The following RASGRP2 variants were observed in gnomAD, a reference collection of about 807,000 sequenced individuals.
RASGRP2 encodes RAS guanyl-releasing protein 2.
Under a neutral mutation model 71.0 loss-of-function variants are expected in RASGRP2, and 44 were observed. The observed-to-expected ratio is 0.62, with a 90% CI of 0.49 to 0.80. RASGRP2 has a LOEUF of 0.80. RASGRP2 is among the 30% of genes least tolerant of loss of function. RASGRP2 has a pLI of 0.00. For synonymous variants in RASGRP2, 350 were observed against 330.7 expected, an observed-to-expected ratio of 1.06 and a Z score of -0.63; for missense variants, 663 against 813.4, an observed-to-expected ratio of 0.82 and a Z score of 2.25.
Position 64,742,693 on chromosome 11 carries a change from T to A in RASGRP2, c.73+101A>T. On this transcript the variant is annotated intron_variant, in intron 2 of 16. Coordinates refer to ENST00000394432, the MANE Select transcript of RASGRP2 (RefSeq NM_001098671.2). This position sits in a 1 kb window ranked among gnomAD's most constrained non-coding sequence, Gnocchi z 4.7. ...ACTGCACGCTGCGGAGCAGGGTGGG[T>A]CCGGGTCAGGGCTGTGCCCTGGACT... 6.7e-7 allele frequency: 1 copy of A among 1,487,012 alleles called. No individual in the cohort carries two copies. Among genetic ancestry groups the A allele is most frequent in the African/African-American group, 1.4e-5 (1 of 71,870 alleles). 92.1% of individuals were successfully genotyped at this position (1,487,012 alleles called of 1,614,324 possible).
At position 64,744,104 on chromosome 11, in the gene RASGRP2, C is replaced by T; in HGVS notation, c.-173G>A. 5.1e-6 allele frequency: 5 copies of T among 988,326 alleles called. No homozygotes were observed. Among genetic ancestry groups the T allele is most frequent in the Non-Finnish European group, 6.0e-6 (5 of 831,030 alleles). The allele number at this position is 988,326 out of a possible 1,614,324, so 61.2% of individuals were successfully genotyped here. A position where few individuals can be genotyped will look rare whatever the true frequency, so the allele number is the denominator to read the frequency against. On this transcript the variant is annotated 5_prime_UTR_variant, in exon 1 of 17. Transcript: ENST00000394432. ...GCCTTGAGTCCCGCGGCCACACAGG[C>T]GCTGACATCCTCACACGTGTGCACA...
chr11:64,745,060 A>G (rs1056750117), upstream of RASGRP2: 3 of 151,210 alleles, frequency 2.0e-5, no homozygotes, highest in African/African-American at 7.3e-5. Context: ...CTGCGCCACT[A>G]GCTGCCCCGA....
chr11:64,744,321 A>C (rs2135810681), upstream of RASGRP2: 1 of 985,346 alleles, frequency 1.0e-6, no homozygotes, highest in East Asian at 1.1e-4. Flanking sequence ...CCCCGGCCCT[A>C]CACATACTCA....
Position 64,742,056 on chromosome 11 carries a change from G to C in RASGRP2, c.130C>G (p.Pro44Ala), listed in dbSNP as rs1289941754. ...AGCTGAGAGGAGGGGATGTACCAGG[G>C]GTGCATCATGAGGAACATGCGCACC... ...QLVRMFLMMH[P>A]WYIPSSQLAA... is the part of the protein sequence containing the mutation. Residue 44 changes from proline to alanine, a missense_variant, in exon 3 of 17, where the codon CCC becomes GCC. Transcript: ENST00000394432. The surrounding 1 kb of genome is among the most constrained non-coding windows in gnomAD (Gnocchi z 4.7). 1 of 1,611,784 alleles carries C rather than the reference G, an allele frequency of 6.2e-7. No homozygotes were observed. The highest frequency in any genetic ancestry group is 1.7e-5 in the Admixed American group (1 of 59,730).
rs530371278 is a variant in RASGRP2 at position 64,728,860 on chromosome 11, T to C, written c.1771+3A>G. 1.2e-6 allele frequency: 2 copies of C among 1,607,840 alleles called. No homozygotes were observed. The highest frequency in any genetic ancestry group is 2.2e-5 in the East Asian group (1 of 44,850). ...AGGCCAGTACAGAATGACTCCCTCT[T>C]ACCTGGAGGCCTGGAGCCTCGCCTG... is the stretch of plus-strand genomic sequence containing the variant. On this transcript the variant is annotated splice_donor_region_variant and intron_variant, in intron 15 of 16. Transcript: ENST00000394432.
At chr11:64,728,497 G>C (rs930619601) in intron 15 of RASGRP2, among the ~76,000 whole-genome samples, 2 of 151,268 alleles carry the variant, frequency 1.3e-5, no homozygotes, top group Non-Finnish European at 2.9e-5. Flanking sequence ...GCGCGATCTC[G>C]GCTCACTGCA....
chr11:64,742,312 G>A lies in RASGRP2; in HGVS notation c.74-200C>T, dbSNP rs1382128326. ...GGGCGAGAGATAGGCACGCCCTGAGGACTGGAGGAGGGGAGCGCCCGAGCC... is the reference window on the plus strand; with the variant it reads ...GGGCGAGAGATAGGCACGCCCTGAGAACTGGAGGAGGGGAGCGCCCGAGCC... On this transcript the variant is annotated intron_variant, in intron 2 of 16. Transcript: ENST00000394432. The surrounding 1 kb of genome is among the most constrained non-coding windows in gnomAD (Gnocchi z 4.7). Among the ~76,000 whole-genome samples, 4 of 152,160 alleles carry A rather than the reference G, an allele frequency of 2.6e-5. No individual in the cohort carries two copies. Among genetic ancestry groups the A allele is most frequent in the Admixed American group, 2.0e-4 (3 of 15,288 alleles).
Position 64,729,051 on chromosome 11 carries a change from G to A in RASGRP2, c.1592-9C>T. On this transcript the variant is annotated splice_polypyrimidine_tract_variant and intron_variant, in intron 14 of 16. Transcript: ENST00000394432. ...GCAGTTCACTCCACAGGCTGGGGGA[G>A]AGCAAATGGAGAGCCAGCCAGGGAC... 1.9e-6 allele frequency: 3 copies of A among 1,587,624 alleles called. No individual in the cohort carries two copies. In the East Asian group the frequency reaches 6.8e-5, roughly 36 times the overall value.
Position 64,743,023 on chromosome 11 carries a change from G to A in RASGRP2, c.-71-86C>T. 7.1e-7 allele frequency: 1 copy of A among 1,399,938 alleles called. No individual in the cohort carries two copies. The highest frequency in any genetic ancestry group is 9.7e-7 in the Non-Finnish European group (1 of 1,032,100). The allele number at this position is 1,399,938 out of a possible 1,614,324, so 86.7% of individuals were successfully genotyped here. On this transcript the variant is annotated intron_variant, in intron 1 of 16. Coordinates refer to ENST00000394432, the MANE Select transcript of RASGRP2 (RefSeq NM_001098671.2). This position sits in a 1 kb window ranked among gnomAD's most constrained non-coding sequence, Gnocchi z 4.9. ...GGCAGAAACGGGGCGGGGCGGGCAC[G>A]CCCCCTGCTGGACAGGGGCGGAGTT... is the stretch of plus-strand genomic sequence containing the variant.
chr11:64,745,044 G>C (rs923904327), upstream of RASGRP2: 1 of 151,644 alleles, frequency 6.6e-6, no homozygotes. Flanking sequence ...GGCCGCGGGC[G>C]GGGGGCTGCG....
chr11:64,742,218 GAC>G lies in RASGRP2; in HGVS notation c.74-108_74-107del. Reference sequence around the variant, plus strand: ...GTATCGGTCCTTCGGGTGCACGCTCGACCCCGCCCACCTCCTGCTTGCCCAGG... The same window carrying G: ...GTATCGGTCCTTCGGGTGCACGCTCGCCCGCCCACCTCCTGCTTGCCCAGG... On this transcript the variant is annotated intron_variant, in intron 2 of 16. Transcript: ENST00000394432. The surrounding 1 kb of genome is among the most constrained non-coding windows in gnomAD (Gnocchi z 4.7). 2.3e-6 allele frequency: 2 copies of G among 853,074 alleles called. No individual in the cohort carries two copies. The highest frequency in any genetic ancestry group is 5.3e-5 in the East Asian group (2 of 37,684). 52.8% of individuals were successfully genotyped at this position (853,074 alleles called of 1,614,324 possible).
At chr11:64,741,203 T>C in intron 4 of RASGRP2, 124 bp from the exon 5 acceptor site, 3 of 1,300,236 alleles carry the variant, frequency 2.3e-6, no homozygotes, top group Non-Finnish European at 2.1e-6. Flanking sequence ...TCCAGCTCTT[T>C]CCTTCGCCAC....
chr11:64,741,082 G>A lies in RASGRP2; in HGVS notation c.240-3C>T, dbSNP rs1197933272. 1 of 1,611,852 alleles carries A rather than the reference G, an allele frequency of 6.2e-7. No individual in the cohort carries two copies. The highest frequency in any genetic ancestry group is 1.7e-5 in the Admixed American group (1 of 59,980). The stretch of plus-strand genomic sequence containing the variant: ...CTGGGAAGGCGGAGATCCAGTACCT[G>A]GAGGAGCGGGGAGTCACCCAAGATA... On this transcript the variant is annotated splice_region_variant and splice_polypyrimidine_tract_variant and intron_variant, in intron 4 of 16. Coordinates refer to ENST00000394432, the MANE Select transcript of RASGRP2 (RefSeq NM_001098671.2).
At chr11:64,740,879 A>C in intron 5 of RASGRP2, 69 bp downstream of exon 5, 1 of 1,590,134 alleles carries the variant, frequency 6.3e-7, no homozygotes, top group Non-Finnish European at 8.6e-7. Context: ...AGTTCAACAG[A>C]CATTTATTAA....
At position 64,742,115 on chromosome 11, in the gene RASGRP2, G is replaced by C; in HGVS notation, c.74-3C>G. ...GTCCCGCACCTTCCCGGAGTCATCTGACTCCGAAGGGTCAAAGACAGGTGG... is the reference window on the plus strand; with the variant it reads ...GTCCCGCACCTTCCCGGAGTCATCTCACTCCGAAGGGTCAAAGACAGGTGG... On this transcript the variant is annotated splice_polypyrimidine_tract_variant and splice_region_variant and intron_variant, in intron 2 of 16. Transcript: ENST00000394432. The surrounding 1 kb of genome is among the most constrained non-coding windows in gnomAD (Gnocchi z 4.7). 1 of 1,581,622 alleles carries C rather than the reference G, an allele frequency of 6.3e-7. No homozygotes were observed. The highest frequency in any genetic ancestry group is 8.6e-7 in the Non-Finnish European group (1 of 1,163,972).
In RASGRP2 at chr11:64,727,015, C is replaced by T. The variant is rs960195047; in HGVS notation, c.*123G>A. The T allele has an allele frequency of 4.5e-6, 2 of 442,218 alleles. No individual in the cohort carries two copies. The highest frequency in any genetic ancestry group is 6.8e-5 in the Admixed American group (2 of 29,214). 27.4% of individuals were successfully genotyped at this position (442,218 alleles called of 1,614,324 possible). On this transcript the variant is annotated 3_prime_UTR_variant, in exon 17 of 17. Transcript: ENST00000394432. ...CCAGCCCTGGCCCTGCCCTCAGCTG[C>T]ATGCCACCCTCATATCCCACCCCCA...
Position 64,734,405 on chromosome 11 carries a change from A to C in RASGRP2, c.1412+707T>G, listed in dbSNP as rs572235169. The stretch of plus-strand genomic sequence containing the variant: ...TGGCCTGAATTGATCCTGCCAACTC[A>C]GTCTCCCAAAGTGCTAGGATTACAG... On this transcript the variant is annotated intron_variant, in intron 12 of 16. Transcript: ENST00000394432. Among the ~76,000 whole-genome samples the C allele has an allele frequency of 1.1e-4, 17 of 152,036 alleles. 2 individuals are homozygous for C. The South Asian group carries it at 3.5e-3, about 32-fold the overall frequency.
Position 64,742,818 on chromosome 11 carries a change from G to A in RASGRP2, c.49C>T (p.Leu17Phe). 6.2e-7 allele frequency: 1 copy of A among 1,608,826 alleles called. No homozygotes were observed. The highest frequency in any genetic ancestry group is 8.5e-7 in the Non-Finnish European group (1 of 1,178,536). Residue 17 changes from leucine to phenylalanine, a missense_variant, in exon 2 of 17, where the codon CTC becomes TTC. By Grantham distance (22) the Leu-to-Phe change is conservative. Transcript: ENST00000394432. This position sits in a 1 kb window ranked among gnomAD's most constrained non-coding sequence, Gnocchi z 4.7. ...LDKGCTVEEL[L>F]RGCIEAFDDS... The stretch of plus-strand genomic sequence containing the variant: ...CCGAAGGCTTCGATGCACCCGCGGA[G>A]CAGCTCCTCCACCGTGCAGCCCTTG...
intron 3 of RASGRP2, 51 bp from the exon 4 acceptor site, chr11:64,741,552 G>T: frequency 1.4e-6 from 2 of 1,461,154 alleles, no homozygotes; most frequent in Non-Finnish European, 1.9e-6. Context: ...GGAGGCCTGC[G>T]TGGAGGGAGG....
Sources: allele counts gnomAD v4.1 joint callset (sites outside exome capture counted in the v4.1 genomes callset), GRCh38; gene constraint gnomAD v4.1.1; non-coding constraint Gnocchi (gnomAD v3.1); transcripts MANE v1.5; gene names NCBI Gene and HGNC (gene_info 2026-07-23, HGNC 2026-07-21).